The following LATS2 variants were observed in gnomAD, a reference collection of about 807,000 sequenced individuals.
LATS2 encodes serine/threonine-protein kinase LATS2.
LATS2 carries 24 observed loss-of-function variants against 76.0 expected under a neutral mutation model. The observed-to-expected ratio is 0.32, with a 90% CI of 0.23 to 0.44. LATS2 has a LOEUF of 0.44. Ranked by LOEUF, LATS2 falls within the 20% of genes least tolerant of loss-of-function variation. The probability of loss-of-function intolerance (pLI) is 1.00; values close to 1 mark genes in which losing one functional copy is unlikely to be tolerated. For synonymous variants in LATS2, 692 were observed against 635.4 expected, an observed-to-expected ratio of 1.09 and a Z score of -1.34; for missense variants, 1,286 against 1,481.2, an observed-to-expected ratio of 0.87 and a Z score of 2.16.
In LATS2 at chr13:20,981,566, C is replaced by T. The variant is rs761537939; in HGVS notation, c.2565G>A (p.Lys855=). Residue 855 remains lysine (K), a synonymous_variant, in exon 6 of 8, where the codon AAG becomes AAA. Transcript: ENST00000382592. The part of the protein sequence containing the change: ...VSNCRCGDRL[K]TLEQRARKQH... ...GCTTCCGCGCCCTCTGCTCTAGGGT[C>T]TTCAGCCTGTCCCCACACCGACAGT... The T allele has an allele frequency of 1.9e-6, 3 of 1,614,210 alleles. No homozygotes were observed. Among genetic ancestry groups the T allele is most frequent in the Middle Eastern group, 1.6e-4 (1 of 6,062 alleles).
intron 1 of LATS2, among the ~76,000 whole-genome samples, chr13:21,054,592 C>T (rs1461773889): frequency 6.6e-6 from 1 of 152,138 alleles, no homozygotes; most frequent in East Asian, 1.9e-4. Flanking sequence ...GAGCCACGCT[C>T]CTAGAGACAC....
At chr13:21,020,740 G>A (rs1211562555) in intron 2 of LATS2, among the ~76,000 whole-genome samples, 1 of 152,200 alleles carries the variant, frequency 6.6e-6, no homozygotes, top group East Asian at 1.9e-4. Context: ...TAGGAAGGCT[G>A]TGGGGACATA....
intron 4 of LATS2, among the ~76,000 whole-genome samples, chr13:20,984,315 T>G (rs663599): frequency 0.84 from 127,373 of 152,136 alleles, 53,899 homozygotes; most frequent in East Asian, 1. Flanking sequence ...TTCTCTAGGA[T>G]ACTTTTGGCT....
chr13:20,975,467 T>C (rs1869572155), intron 7 of LATS2, 103 bp from the exon 8 acceptor site: 3 of 1,234,766 alleles, frequency 2.4e-6, no homozygotes, highest in Non-Finnish European at 2.2e-6. Context: ...AGTTTCACAA[T>C]AGGAGAGGAG....
At chr13:21,020,584 T>C (rs1333485055) in intron 2 of LATS2, among the ~76,000 whole-genome samples, 2 of 152,202 alleles carry the variant, frequency 1.3e-5, no homozygotes, top group Admixed American at 6.5e-5. Flanking sequence ...TGGCCATAAA[T>C]GTTGTCCTGC....
rs1238252002 is a variant in LATS2, at chr13:21,045,818, A to C, written c.209T>G (p.Phe70Cys). 1 of 1,614,210 alleles carries C rather than the reference A, an allele frequency of 6.2e-7. No individual in the cohort carries two copies. Among genetic ancestry groups the C allele is most frequent in the Non-Finnish European group, 8.5e-7 (1 of 1,180,028 alleles). ...CCTCAAGGCTTTCTGATAAGGTCCG[A>C]ACTTTGGGGTGGCTCTCATCTGCTG... Reference protein sequence around the residue: ...QQQQMRATPKFGPYQKALREI... With the variant: ...QQQQMRATPKCGPYQKALREI... The change falls in exon 2 of 8, where the codon TTC becomes TGC. Residue 70 changes from phenylalanine (F) to cysteine (C), a missense_variant. Coordinates refer to ENST00000382592, the MANE Select transcript of LATS2 (RefSeq NM_014572.3).
rs1873045900 is a variant in LATS2 at position 21,045,694 on chromosome 13, T to C, written c.333A>G (p.Gly111=). ...AGAGGTCTGTACCCACCTGGTCGCA[T>C]CCTGCGTTCACCAGTTCCTGCAGCA... ...RQMLQELVNA[G]CDQEMAGRAL... The change falls in exon 2 of 8, where the codon GGA becomes GGG. Residue 111 remains glycine (G), a synonymous_variant. Transcript: ENST00000382592. The C allele has an allele frequency of 6.2e-7, 1 of 1,613,520 alleles. No individual in the cohort carries two copies. Among genetic ancestry groups the C allele is most frequent in the Non-Finnish European group, 8.5e-7 (1 of 1,179,660 alleles).
chr13:21,048,089 C>G (rs1873136042), intron 1 of LATS2, among the ~76,000 whole-genome samples: 2 of 152,202 alleles, frequency 1.3e-5, no homozygotes, highest in South Asian at 4.1e-4. Flanking sequence ...ATATCAGAAG[C>G]CTAGAGCTCT....
chr13:21,016,867 ACT>A (rs1481171766), intron 2 of LATS2, among the ~76,000 whole-genome samples: 1 of 152,226 alleles, frequency 6.6e-6, no homozygotes, highest in Non-Finnish European at 1.5e-5. Flanking sequence ...AGAGTCCTTA[ACT>A]GCCTACCTTG....
rs774459468 is a variant in LATS2, at chr13:20,974,956, C to A, written c.3181G>T (p.Ala1061Ser). 1.2e-6 allele frequency: 2 copies of A among 1,614,198 alleles called. No individual in the cohort carries two copies. The highest frequency in any genetic ancestry group is 1.7e-6 in the Non-Finnish European group (2 of 1,180,044). The change falls in exon 8 of 8, where the codon GCA becomes TCA. Residue 1061 changes from alanine to serine, a missense_variant. Physicochemically the swap from Ala to Ser is moderately conservative, Grantham distance 99. Coordinates refer to ENST00000382592, the MANE Select transcript of LATS2 (RefSeq NM_014572.3). ...YPFRCPKPSG[A>S]EASQAESSDL... ...GAGCTCTCAGCCTGTGAAGCTTCTGCTCCTGAAGGCTTTGGGCATCGAAAG... is the reference window on the plus strand; with the variant it reads ...GAGCTCTCAGCCTGTGAAGCTTCTGATCCTGAAGGCTTTGGGCATCGAAAG...
chr13:21,024,435 GATAATA>G (rs1207659301), intron 2 of LATS2, among the ~76,000 whole-genome samples: 1 of 151,964 alleles, frequency 6.6e-6, no homozygotes, highest in Non-Finnish European at 1.5e-5. Context: ...GACTCTGAAT[GATAATA>G]ATAATAAATG....
In LATS2 at chr13:20,987,983, T is replaced by A. The variant is rs750628413; in HGVS notation, c.1797A>T (p.Pro599=). The A allele has an allele frequency of 1.2e-6, 2 of 1,614,154 alleles. No individual in the cohort carries two copies. The highest frequency in any genetic ancestry group is 1.7e-6 in the Non-Finnish European group (2 of 1,180,050). The part of the protein sequence containing the change: ...KRESRIKSYS[P]YAFKFFMEQH... ...GCTCCATGAAGAACTTAAAGGCGTA[T>A]GGCGAGTAGCTCTTGATGCGTGACT... The change falls in exon 4 of 8, where the codon CCA becomes CCT. Residue 599 remains proline (P), a synonymous_variant. Transcript: ENST00000382592.
At chr13:21,049,170 C>CG (rs980292922) in intron 1 of LATS2, among the ~76,000 whole-genome samples, 5 of 152,160 alleles carry the variant, frequency 3.3e-5, no homozygotes, top group Admixed American at 1.3e-4. Context: ...TCAAAGGACT[C>CG]GGGGGTAGTG....
chr13:21,025,307 G>A (rs1015555082), intron 2 of LATS2, among the ~76,000 whole-genome samples: 11 of 149,950 alleles, frequency 7.3e-5, no homozygotes, highest in East Asian at 1.9e-4. Flanking sequence ...CAGGAGAATC[G>A]CTTGAACCCG....
Position 21,036,527 on chromosome 13 carries a change from C to A in LATS2, c.342+9158G>T, listed in dbSNP as rs181486501. Among the ~76,000 whole-genome samples, 743 of 152,156 alleles carry A rather than the reference C, an allele frequency of 4.9e-3. 6 individuals are homozygous for A. Among genetic ancestry groups the A allele is most frequent in the African/African-American group, 0.015 (640 of 41,530 alleles). ...CGGTGGCTCACGCCTGTAATCCCAGCACTTTGGGAGGCCGAGGTGGGCAGA... is the reference window on the plus strand; with the variant it reads ...CGGTGGCTCACGCCTGTAATCCCAGAACTTTGGGAGGCCGAGGTGGGCAGA... On this transcript the variant is annotated intron_variant, in intron 2 of 7. Transcript: ENST00000382592.
intron 2 of LATS2, among the ~76,000 whole-genome samples, chr13:21,035,654 A>G (rs1343956489): frequency 6.6e-6 from 1 of 152,236 alleles, no homozygotes; most frequent in Non-Finnish European, 1.5e-5. Context: ...GCATTAAGTG[A>G]ACAATATTTA....
rs748263686 is a variant in LATS2, at chr13:20,988,863, G to A, written c.917C>T (p.Pro306Leu). The A allele has an allele frequency of 1.3e-6, 2 of 1,583,042 alleles. No individual in the cohort carries two copies. The highest frequency in any genetic ancestry group is 8.5e-7 in the Non-Finnish European group (1 of 1,170,974). ...GPPGAGLAFP[P>L]PAAGLYVPHP... is the part of the protein sequence containing the mutation. ...CGGCACGTAGAGCCCGGCGGCAGGGGGTGGGAAAGCGAGGCCGGCGCCTGG... is the reference window on the plus strand; with the variant it reads ...CGGCACGTAGAGCCCGGCGGCAGGGAGTGGGAAAGCGAGGCCGGCGCCTGG... Residue 306 changes from proline (P) to leucine (L), a missense_variant, in exon 4 of 8, where the codon CCC (proline) becomes CTC (leucine). Physicochemically the swap from Pro to Leu is moderately conservative, Grantham distance 98 (BLOSUM62 -3). Around this residue, in one of 5 missense-constraint regions of LATS2, gnomAD observed 710 missense variants for 660.9 expected, o/e 1.07. Transcript: ENST00000382592.
At chr13:21,023,761 G>C (rs536080395) in intron 2 of LATS2, among the ~76,000 whole-genome samples, 1 of 150,622 alleles carries the variant, frequency 6.6e-6, no homozygotes, top group African/African-American at 2.4e-5. Flanking sequence ...ATCACCTGAG[G>C]TCGGGAATTC....
At chr13:20,999,090 G>A (rs1870911126) in intron 2 of LATS2, among the ~76,000 whole-genome samples, 3 of 152,282 alleles carry the variant, frequency 2.0e-5, no homozygotes, top group South Asian at 4.1e-4. Flanking sequence ...ACCTTGGGCA[G>A]GCGCAGCACG....
Sources: allele counts gnomAD v4.1 joint callset (sites outside exome capture counted in the v4.1 genomes callset), GRCh38; gene constraint gnomAD v4.1.1; regional missense constraint gnomAD v4.1.1; transcripts MANE v1.5; gene names NCBI Gene and HGNC (gene_info 2026-07-23, HGNC 2026-07-21).